Variants in DTL observed in about 807,000 individuals in gnomAD.
DTL encodes the protein denticleless E3 ubiquitin protein ligase adapter.
Under a neutral mutation model 87.0 loss-of-function variants are expected in DTL, and 46 were observed. The ratio of observed to expected loss-of-function variants is 0.53; its 90% CI spans 0.42 to 0.68. The LOEUF (loss-of-function observed/expected upper bound fraction) is 0.68, where lower values mean the gene tolerates loss of function less well. Ranked by LOEUF, DTL falls within the 30% of genes least tolerant of loss-of-function variation. The pLI is 0.00. For missense variants in DTL, 737 were observed against 869.4 expected, an observed-to-expected ratio of 0.85 and a Z score of 1.91; for synonymous variants, 308 against 311.2, an observed-to-expected ratio of 0.99 and a Z score of 0.11.
intron 2 of DTL, among the ~76,000 whole-genome samples, chr1:212,043,724 G>A (rs1667724920): frequency 6.6e-6 from 1 of 151,806 alleles, no homozygotes; most frequent in South Asian, 2.1e-4. Flanking sequence ...CAGCTACTTG[G>A]GATGCTGAGA....
At chr1:212,073,490 T>C (rs976428240) in intron 11 of DTL, among the ~76,000 whole-genome samples, 1 of 152,198 alleles carries the variant, frequency 6.6e-6, no homozygotes, top group African/African-American at 2.4e-5. Flanking sequence ...TAGAAAGTAA[T>C]ATTGCTAATT....
chr1:212,068,230 C>T lies in DTL; in HGVS notation c.720C>T (p.Ile240=). 6.3e-7 allele frequency: 1 copy of T among 1,598,776 alleles called. No homozygotes were observed. The highest frequency in any genetic ancestry group is 1.1e-5 in the South Asian group (1 of 87,868). ...TATTTGCCTTGGTTTTTAGGATAAT[C>T]AAAGTATGGGATTTACGTAAGAATT... ...LVSAGAVDGI[I]KVWDLRKNYT... The change falls in exon 9 of 15, where the codon ATC becomes ATT. Residue 240 remains isoleucine, a synonymous_variant. Transcript: ENST00000366991.
chr1:212,040,615 A>T (rs1284221192), intron 1 of DTL, among the ~76,000 whole-genome samples: 1 of 152,260 alleles, frequency 6.6e-6, no homozygotes, highest in East Asian at 1.9e-4. Flanking sequence ...ATGAAGTGAG[A>T]TGAATGACGT....
At chr1:212,036,845 C>G (rs531221051) in intron 1 of DTL, among the ~76,000 whole-genome samples, 1 of 152,264 alleles carries the variant, frequency 6.6e-6, no homozygotes, top group South Asian at 2.1e-4. Context: ...GGTTCTTTTT[C>G]CCCTTGAAAC....
At chr1:212,093,495 G>A (rs1486808181) in intron 13 of DTL, among the ~76,000 whole-genome samples, 3 of 152,212 alleles carry the variant, frequency 2.0e-5, no homozygotes, top group East Asian at 1.9e-4. Flanking sequence ...GTAGCTTTCC[G>A]CGGATGGGGG....
chr1:212,039,476 A>G (rs914533979), intron 1 of DTL, among the ~76,000 whole-genome samples: 3 of 152,218 alleles, frequency 2.0e-5, no homozygotes, highest in African/African-American at 7.2e-5. Context: ...GGAAGAAAGG[A>G]AGTGATGAAG....
At chr1:212,077,024 T>C (rs891275957) in intron 11 of DTL, among the ~76,000 whole-genome samples, 4 of 152,170 alleles carry the variant, frequency 2.6e-5, no homozygotes, top group African/African-American at 9.7e-5. Context: ...TATCAGTCAG[T>C]GTGTCAGATC....
Position 212,084,717 on chromosome 1 carries a change from T to C in DTL, c.1261+3967T>C, listed in dbSNP as rs559672248. On this transcript the variant is annotated intron_variant, in intron 13 of 14. Transcript: ENST00000366991. The stretch of plus-strand genomic sequence containing the variant: ...CAATTTTCAGCTTTATTAACTTCTT[T>C]CCTTTGTAACATGAGGATTTAACTC... Among the ~76,000 whole-genome samples, 3 of 152,322 alleles carry C rather than the reference T, an allele frequency of 2.0e-5. No homozygotes were observed. In the South Asian group the frequency reaches 6.2e-4, roughly 32 times the overall value.
At chr1:212,038,692 G>C (rs1429333574) in intron 1 of DTL, among the ~76,000 whole-genome samples, 1 of 152,098 alleles carries the variant, frequency 6.6e-6, no homozygotes, top group East Asian at 1.9e-4. Context: ...CTCCTAGTTT[G>C]TCTGTCTTCG....
At chr1:212,044,635 A>AT in intron 2 of DTL, 25 bp from the exon 3 acceptor site, 9 of 1,436,500 alleles carry the variant, frequency 6.3e-6, no homozygotes, top group Non-Finnish European at 7.7e-6. Context: ...TACTCTATAT[A>AT]TTTTTTTCTT....
intron 5 of DTL, among the ~76,000 whole-genome samples, chr1:212,053,570 TCTTC>T (rs1668064606): frequency 6.6e-6 from 1 of 152,120 alleles, no homozygotes; most frequent in South Asian, 2.1e-4. Context: ...TATATTTTTT[TCTTC>T]CTTTTTTTGT....
At chr1:212,089,925 C>G (rs1655235657) in intron 13 of DTL, among the ~76,000 whole-genome samples, 1 of 152,200 alleles carries the variant, frequency 6.6e-6, no homozygotes, top group African/African-American at 2.4e-5. Context: ...TTAGGACTTT[C>G]TGCCCTAAAT....
At position 212,068,601 on chromosome 1, in the gene DTL, T is replaced by C. The variant is rs1654580450; in HGVS notation, c.820T>C (p.Tyr274His). The C allele has an allele frequency of 6.2e-7, 1 of 1,605,918 alleles. No individual in the cohort carries two copies. The highest frequency in any genetic ancestry group is 8.5e-7 in the Non-Finnish European group (1 of 1,173,100). ...YPGSSTRKLG[Y>H]SSLILDSTGS... is the part of the protein sequence containing the mutation. The stretch of plus-strand genomic sequence containing the variant: ...TAACTTAAGTTTCCTTTTTCCAGGA[T>C]ATTCAAGTCTGATTTTGGATTCCAC... Residue 274 changes from tyrosine (Y) to histidine (H), a missense_variant and splice_region_variant, in exon 10 of 15, where the codon TAT becomes CAT. Tyr to His is a moderately conservative substitution (Grantham distance 83). Coordinates refer to ENST00000366991, the MANE Select transcript of DTL (RefSeq NM_016448.4).
At chr1:212,046,276 T>C (rs560180905) in intron 3 of DTL, among the ~76,000 whole-genome samples, 1 of 152,146 alleles carries the variant, frequency 6.6e-6, no homozygotes, top group Non-Finnish European at 1.5e-5. Context: ...ATTTTTTATG[T>C]GTGCATCTTT....
Position 212,047,286 on chromosome 1 carries a change from A to G in DTL, c.340-11A>G. On this transcript the variant is annotated splice_polypyrimidine_tract_variant and intron_variant, in intron 4 of 14. Coordinates refer to ENST00000366991, the MANE Select transcript of DTL (RefSeq NM_016448.4). ...TGCTTTATTAAATTGTGTTTACCTT[A>G]TTTTTGAAAGGTTACAGCAGCAGGT... 6.2e-7 allele frequency: 1 copy of G among 1,614,104 alleles called. No homozygotes were observed. The highest frequency in any genetic ancestry group is 8.5e-7 in the Non-Finnish European group (1 of 1,180,022).
chr1:212,099,191 G>A (rs2102587483), intron 13 of DTL, among the ~76,000 whole-genome samples: 1 of 152,270 alleles, frequency 6.6e-6, no homozygotes, highest in South Asian at 2.1e-4. Flanking sequence ...GATGTGTGCA[G>A]AAGTGGACTT....
intron 5 of DTL, among the ~76,000 whole-genome samples, chr1:212,054,391 G>A (rs558793331): frequency 2.0e-5 from 3 of 149,304 alleles, no homozygotes; most frequent in African/African-American, 7.4e-5. Context: ...CTGTCCTCAA[G>A]GTAAAACCAC....
chr1:212,054,722 G>A (rs546358017), intron 5 of DTL, among the ~76,000 whole-genome samples: 35 of 149,490 alleles, frequency 2.3e-4, no homozygotes, highest in Non-Finnish European at 4.4e-4. Flanking sequence ...TTGAACCTGG[G>A]AGACAGAGGT....
At chr1:212,048,593 A>ACAGCACAGTACTGTAG (rs1365641458) in intron 5 of DTL, among the ~76,000 whole-genome samples, 3 of 152,248 alleles carry the variant, frequency 2.0e-5, no homozygotes, top group Non-Finnish European at 4.4e-5. Context: ...GTTATATAAC[A>ACAGCACAGTACTGTAG]CAGCACAGTA....
Sources: gnomAD v4.1 joint callset for allele counts (sites outside exome capture counted in the v4.1 genomes callset) on GRCh38, gnomAD v4.1.1 for gene constraint, MANE v1.5 for transcripts, NCBI Gene and HGNC (gene_info 2026-07-23, HGNC 2026-07-21) for gene names.